SYNE1: variants seen among roughly 807,000 people sequenced by gnomAD.
The protein encoded by SYNE1 is nesprin-1.
SYNE1 carries 616 observed loss-of-function variants against 1,111.0 expected under a neutral mutation model. That is an observed-to-expected ratio of 0.55 (90% CI 0.52 to 0.59). The LOEUF (loss-of-function observed/expected upper bound fraction) is 0.59. SYNE1 is among the 20% of genes least tolerant of loss of function. The pLI is 0.00. For synonymous variants in SYNE1, 3,855 were observed against 3,825.8 expected, an observed-to-expected ratio of 1.01 and a Z score of -0.28; for missense variants, 10,006 against 10,417.0, an observed-to-expected ratio of 0.96 and a Z score of 1.72.
Position 152,318,983 on chromosome 6 carries a change from G to C in SYNE1, c.16269C>G (p.Ser5423Arg). The C allele has an allele frequency of 1.2e-6, 2 of 1,614,118 alleles. No homozygotes were observed. Among genetic ancestry groups the C allele is most frequent in the Non-Finnish European group, 1.7e-6 (2 of 1,180,022 alleles). The change falls in exon 85 of 146, where the codon AGC becomes AGG. Residue 5423 changes from serine to arginine, a missense_variant. By Grantham distance (110) the Ser-to-Arg change is moderately radical. Transcript: ENST00000367255. ...GGCTGAGTTCCTGGCTCGTGGCCTT[G>C]CTCTGCTCAACTTCTTTTATTTTGT... The part of the protein sequence containing the change: ...IQDKIKEVEQ[S>R]KATSQELSRQ...
chr6:152,151,824 G>T (rs761537078), intron 134 of SYNE1, 134 bp from the exon 135 acceptor site: 21 of 1,482,830 alleles, frequency 1.4e-5, no homozygotes, highest in Non-Finnish European at 1.9e-5. Flanking sequence ...GCAATCCTTT[G>T]CTATATCACT....
chr6:152,617,667 A>G (rs1429068160), intron 3 of SYNE1, among the ~76,000 whole-genome samples: 1 of 152,230 alleles, frequency 6.6e-6, no homozygotes, highest in Non-Finnish European at 1.5e-5. Flanking sequence ...GTTCTAATAC[A>G]CTAATGGGGA....
chr6:152,249,169 G>A lies in SYNE1; in HGVS notation c.19564C>T (p.Gln6522Ter), dbSNP rs781655232. 1.2e-6 allele frequency: 2 copies of A among 1,610,002 alleles called. No homozygotes were observed. The highest frequency in any genetic ancestry group is 3.3e-5 in the Admixed American group (2 of 60,008). ...ANVFEQPVAE[Q>*]IEAIQQAEDG... ...AAGGCAGCTATAAATACCTCTATTTGTTCTGCTACGGGCTGTTCAAACACA... is the reference window on the plus strand; with the variant it reads ...AAGGCAGCTATAAATACCTCTATTTATTCTGCTACGGGCTGTTCAAACACA... The change falls in exon 105 of 146, where the codon CAA becomes TAA. Residue 6522 changes from glutamine (Q) to a stop codon, truncating the protein, a stop_gained. Transcript: ENST00000367255. LOFTEE classifies it high-confidence loss of function.
rs1328558842 is a variant in SYNE1, at chr6:152,334,365, T to A, written c.12529-92A>T. On this transcript the variant is annotated intron_variant, in intron 76 of 145. Coordinates refer to ENST00000367255, the MANE Select transcript of SYNE1 (RefSeq NM_182961.4). ...ACACAGACATAAGACCTTTAAACAC[T>A]CTAAGTTCCTTAATATGAAAAAAAC... 3 of 1,385,026 alleles carry A rather than the reference T, an allele frequency of 2.2e-6. No homozygotes were observed. In the Admixed American group the frequency reaches 6.6e-5, roughly 30 times the overall value. The allele number at this position is 1,385,026 out of a possible 1,614,324, so 85.8% of individuals were successfully genotyped here. A position where few individuals can be genotyped will look rare whatever the true frequency, so the allele number is the denominator to read the frequency against.
intron 144 of SYNE1, 113 bp from the exon 145 acceptor site, chr6:152,130,891 T>G: frequency 9.1e-7 from 1 of 1,099,942 alleles, no homozygotes; most frequent in Non-Finnish European, 1.4e-6. Flanking sequence ...ATAAATCAAA[T>G]GAAATGATCA....
Position 152,484,883 on chromosome 6 carries a change from T to A in SYNE1, c.1137A>T (p.Ser379=), listed in dbSNP as rs751729021. The A allele has an allele frequency of 1.2e-6, 2 of 1,613,840 alleles. No homozygotes were observed. Among genetic ancestry groups the A allele is most frequent in the African/African-American group, 2.7e-5 (2 of 74,926 alleles). Residue 379 remains serine, a synonymous_variant, in exon 13 of 146, where the codon TCA becomes TCT. Coordinates refer to ENST00000367255, the MANE Select transcript of SYNE1 (RefSeq NM_182961.4). ...IQPLHRDGKL[S]LDQALVKQSW... is the part of the protein sequence containing the mutation. Reference sequence around the variant, plus strand: ...ATTGTTTTACCAATGCTTGGTCAAGTGACAATTTACCGTCTCTGTGTAATG... The same window carrying A: ...ATTGTTTTACCAATGCTTGGTCAAGAGACAATTTACCGTCTCTGTGTAATG...
At chr6:152,570,671 G>T (rs965776990) in intron 3 of SYNE1, among the ~76,000 whole-genome samples, 4 of 152,130 alleles carry the variant, frequency 2.6e-5, no homozygotes, top group African/African-American at 4.8e-5. Flanking sequence ...CAGGAAGCGG[G>T]TCTTGCAGAT....
intron 3 of SYNE1, among the ~76,000 whole-genome samples, chr6:152,576,333 C>A (rs2099496416): frequency 6.6e-6 from 1 of 152,126 alleles, no homozygotes; most frequent in Admixed American, 6.6e-5. Flanking sequence ...TTTTTGAGTC[C>A]TACTATGCAG....
intron 55 of SYNE1, among the ~76,000 whole-genome samples, 195 bp downstream of exon 55, chr6:152,385,479 T>C (rs2097511914): frequency 6.6e-6 from 1 of 152,236 alleles, no homozygotes; most frequent in Admixed American, 6.5e-5. Context: ...AAAGACAATG[T>C]TACATTGTGC....
chr6:152,395,851 AAGTGAAAATC>A (rs2097723306), intron 50 of SYNE1, among the ~76,000 whole-genome samples, 180 bp from the exon 51 acceptor site: 1 of 152,342 alleles, frequency 6.6e-6, no homozygotes, highest in East Asian at 1.9e-4. Context: ...TTTAATAACA[AAGTGAAAATC>A]ATGACAATTT....
rs57805484 is a variant in SYNE1, at chr6:152,359,968, C to T, written c.10300-510G>A. On this transcript the variant is annotated intron_variant, in intron 64 of 145. Coordinates refer to ENST00000367255, the MANE Select transcript of SYNE1 (RefSeq NM_182961.4). ...CTCCTATTATACTGCGACATCTGTC[C>T]CCACATCTCCTGCAAACTCCCCAGC... 4.9e-3 allele frequency among the ~76,000 whole-genome samples: 742 copies of T among 152,170 alleles called. 7 individuals are homozygous for T. The highest frequency in any genetic ancestry group is 0.017 in the African/African-American group (704 of 41,518).
At chr6:152,585,315 C>T (rs1213684096) in intron 3 of SYNE1, among the ~76,000 whole-genome samples, 1 of 152,168 alleles carries the variant, frequency 6.6e-6, no homozygotes, top group African/African-American at 2.4e-5. Context: ...AGCATGAGAA[C>T]AGACTAATAT....
rs1932993 is a variant in SYNE1 at position 152,308,572 on chromosome 6, C to T, written c.17263G>A (p.Glu5755Lys). Residue 5755 changes from glutamate (E) to lysine (K), a missense_variant, in exon 91 of 146, where the codon GAA becomes AAA. Around this residue, in one of 7 missense-constraint regions of SYNE1, gnomAD observed 4,955 missense variants for 5,017.2 expected, o/e 0.99. Transcript: ENST00000367255. ...TCCTCAATCTCTCTGTGAGCTCCTT[C>T]TATCAGTTGCTGGAGATGTTTCATT... is the stretch of plus-strand genomic sequence containing the variant. Reference protein sequence around the residue: ...QEMKHLQQLIEGAHREIEDKP... With the variant: ...QEMKHLQQLIKGAHREIEDKP... 6.2e-7 allele frequency: 1 copy of T among 1,613,410 alleles called. No homozygotes were observed. The highest frequency in any genetic ancestry group is 1.1e-5 in the South Asian group (1 of 91,070).
At chr6:152,553,375 G>T (rs947587900) in intron 3 of SYNE1, among the ~76,000 whole-genome samples, 2 of 152,096 alleles carry the variant, frequency 1.3e-5, no homozygotes, top group Non-Finnish European at 2.9e-5. Context: ...TGAGGAAACC[G>T]TGTCAGAAAT....
chr6:152,250,211 C>T (rs918454235), intron 104 of SYNE1, among the ~76,000 whole-genome samples: 1 of 151,684 alleles, frequency 6.6e-6, no homozygotes, highest in African/African-American at 2.4e-5. Context: ...TTGAAGTGAG[C>T]TATGATCACG....
rs373754084 is a variant in SYNE1, at chr6:152,152,120, C to T, written c.24151G>A (p.Glu8051Lys). The T allele has an allele frequency of 1.2e-6, 2 of 1,613,992 alleles. No individual in the cohort carries two copies. The highest frequency in any genetic ancestry group is 1.7e-6 in the Non-Finnish European group (2 of 1,180,044). Residue 8051 changes from glutamate (E) to lysine (K), a missense_variant, in exon 134 of 146, where the codon GAG becomes AAG. Coordinates refer to ENST00000367255, the MANE Select transcript of SYNE1 (RefSeq NM_182961.4). ...ATCAGTTCCAGCTGCGTCAGGCACT[C>T]GTGGACCTGTCGCTGGAAAGCCTAA... ...KFEAFQRQVH[E>K]CLTQLELINK...
intron 66 of SYNE1, among the ~76,000 whole-genome samples, chr6:152,356,877 C>A (rs2096848593): frequency 6.6e-6 from 1 of 152,174 alleles, no homozygotes; most frequent in African/African-American, 2.4e-5. Context: ...TTGACCAGAG[C>A]AACAGCAACA....
At chr6:152,582,655 G>A (rs1402858965) in intron 3 of SYNE1, among the ~76,000 whole-genome samples, 3 of 151,852 alleles carry the variant, frequency 2.0e-5, no homozygotes, top group Non-Finnish European at 4.4e-5. Flanking sequence ...AGGTACTGGT[G>A]GAGACTGGGC....
intron 129 of SYNE1, among the ~76,000 whole-genome samples, chr6:152,178,807 C>T (rs1403289751): frequency 2.7e-5 from 4 of 150,768 alleles, no homozygotes; most frequent in Non-Finnish European, 5.9e-5. Flanking sequence ...ATACATTGTA[C>T]ATTAGATGGT....
Sources: gnomAD v4.1 joint callset for allele counts (sites outside exome capture counted in the v4.1 genomes callset) on GRCh38, gnomAD v4.1.1 for gene constraint, gnomAD v4.1.1 regional missense constraint, MANE v1.5 for transcripts, NCBI Gene and HGNC (gene_info 2026-07-23, HGNC 2026-07-21) for gene names.